LINGO2: variants seen among roughly 807,000 people sequenced by gnomAD.
LINGO2 encodes leucine-rich repeat and immunoglobulin-like domain-containing nogo receptor-interacting protein 2.
In LINGO2, 14 loss-of-function variants were observed where a neutral mutation model predicts 30.6. The ratio of observed to expected loss-of-function variants is 0.46; its 90% CI spans 0.30 to 0.72. The LOEUF is 0.72. Among genes scored for constraint, LINGO2 ranks in the 30% least tolerant of loss-of-function variants. LINGO2 has a pLI of 0.07. For missense variants in LINGO2, 729 were observed against 751.7 expected, an observed-to-expected ratio of 0.97 and a Z score of 0.35; for synonymous variants, 317 against 288.5, an observed-to-expected ratio of 1.10 and a Z score of -1.00.
At chr9:29,169,802 C>T in the LINGO2 span, among the ~76,000 whole-genome samples, 3 of 152,054 alleles carry the variant, frequency 2.0e-5, no homozygotes, top group African/African-American at 7.2e-5. Flanking sequence ...GGATGGAGAC[C>T]ATCCTGGCCA....
the LINGO2 span, among the ~76,000 whole-genome samples, chr9:29,061,815 G>A: frequency 6.6e-6 from 1 of 151,902 alleles, no homozygotes; most frequent in East Asian, 1.9e-4. Context: ...ATAAAACAAA[G>A]ACAGATAAAC....
the LINGO2 span, among the ~76,000 whole-genome samples, chr9:28,864,894 T>C: frequency 2.6e-5 from 4 of 152,040 alleles, no homozygotes; most frequent in South Asian, 8.3e-4. Flanking sequence ...AAACTCCAGG[T>C]TTCAAGAAAT....
chr9:28,719,319 GA>G, the LINGO2 span, among the ~76,000 whole-genome samples: 1 of 151,900 alleles, frequency 6.6e-6, no homozygotes, highest in African/African-American at 2.4e-5. Flanking sequence ...CTCCTTCCCT[GA>G]AGGAACTAAT....
chr9:28,993,983 C>T, the LINGO2 span, among the ~76,000 whole-genome samples: 2 of 151,222 alleles, frequency 1.3e-5, no homozygotes, highest in African/African-American at 2.4e-5. Flanking sequence ...TCTCTCACCA[C>T]TCCTATTCAA....
At chr9:28,387,393 G>C (rs2134666754) in intron 2 of LINGO2, among the ~76,000 whole-genome samples, 1 of 152,316 alleles carries the variant, frequency 6.6e-6, no homozygotes, top group Non-Finnish European at 1.5e-5. Context: ...GGACCAATCA[G>C]TGCTCTATAA....
At chr9:28,341,937 T>C (rs10968523) in intron 3 of LINGO2, among the ~76,000 whole-genome samples, 24,106 of 152,098 alleles carry the variant, frequency 0.16, 2,005 homozygotes, top group Middle Eastern at 0.27. Flanking sequence ...ACCACCTTCT[T>C]TTTATCCTAT....
chr9:28,878,915 T>A, the LINGO2 span, among the ~76,000 whole-genome samples: 1 of 152,192 alleles, frequency 6.6e-6, no homozygotes, highest in East Asian at 1.9e-4. Context: ...AGCATTCCTT[T>A]GAAAACTGGC....
At chr9:28,852,886 T>A in the LINGO2 span, among the ~76,000 whole-genome samples, 422 of 152,186 alleles carry the variant, frequency 2.8e-3, 4 homozygotes, top group African/African-American at 9.6e-3. Flanking sequence ...AAGCCTATAA[T>A]ACAATCATAA....
chr9:28,453,734 C>A (rs1322563881), intron 2 of LINGO2, among the ~76,000 whole-genome samples: 1 of 151,842 alleles, frequency 6.6e-6, no homozygotes, highest in African/African-American at 2.4e-5. Flanking sequence ...ATTGATGCTC[C>A]TTTTGCTCAA....
chr9:27,994,870 CT>C (rs1821579562), intron 5 of LINGO2, among the ~76,000 whole-genome samples: 5 of 152,192 alleles, frequency 3.3e-5, no homozygotes, highest in Non-Finnish European at 7.3e-5. Flanking sequence ...CCTTAAGCAG[CT>C]TGCAGCTTGC....
intron 1 of LINGO2, among the ~76,000 whole-genome samples, chr9:28,637,541 C>T (rs1827341825): frequency 6.6e-6 from 1 of 152,140 alleles, no homozygotes; most frequent in African/African-American, 2.4e-5. Flanking sequence ...CTTCACATCA[C>T]TTGTAAGTTG....
intron 4 of LINGO2, among the ~76,000 whole-genome samples, chr9:28,270,031 T>G (rs536454175): frequency 6.6e-6 from 1 of 152,246 alleles, no homozygotes; most frequent in South Asian, 2.1e-4. Context: ...GATTCTCAGA[T>G]AGTTTGTAAA....
chr9:28,647,417 C>T (rs1363911691), intron 1 of LINGO2, among the ~76,000 whole-genome samples: 1 of 152,050 alleles, frequency 6.6e-6, no homozygotes, highest in Non-Finnish European at 1.5e-5. Flanking sequence ...TTCTAATATT[C>T]GGTGAGCTTT....
the LINGO2 span, among the ~76,000 whole-genome samples, chr9:28,741,560 T>C: frequency 6.6e-6 from 1 of 151,944 alleles, no homozygotes; most frequent in African/African-American, 2.4e-5. Flanking sequence ...ACTTGAAGCC[T>C]GAGGTTGTGG....
chr9:28,470,760 A>T (rs1825487073), intron 2 of LINGO2, among the ~76,000 whole-genome samples: 1 of 152,018 alleles, frequency 6.6e-6, no homozygotes. Flanking sequence ...TTAATTAGCT[A>T]ATGGAAAAGT....
the LINGO2 span, among the ~76,000 whole-genome samples, chr9:28,918,254 G>A: frequency 6.6e-6 from 1 of 152,134 alleles, no homozygotes; most frequent in African/African-American, 2.4e-5. Flanking sequence ...CCCTGCATCA[G>A]ATCTTGTGTG....
intron 4 of LINGO2, chr9:28,149,087 G>A (rs1376844963): frequency 2.0e-6 from 3 of 1,534,142 alleles, no homozygotes; most frequent in Non-Finnish European, 2.6e-6. Flanking sequence ...GGTGGGTCAG[G>A]CTTCCCAAAG....
chr9:28,652,590 C>G (rs932897398), intron 1 of LINGO2, among the ~76,000 whole-genome samples: 13 of 151,924 alleles, frequency 8.6e-5, no homozygotes, highest in Admixed American at 2.0e-4. Context: ...CTTACAAAAC[C>G]ATACCTTGTT....
the LINGO2 span, among the ~76,000 whole-genome samples, chr9:29,168,496 A>C: frequency 6.6e-6 from 1 of 152,204 alleles, no homozygotes; most frequent in East Asian, 1.9e-4. Context: ...CATTCTGGCC[A>C]AAGAAATATA....
Sources: allele counts gnomAD v4.1 joint callset (sites outside exome capture counted in the v4.1 genomes callset), GRCh38; gene constraint gnomAD v4.1.1; transcripts MANE v1.5; gene names NCBI Gene and HGNC (gene_info 2026-07-23, HGNC 2026-07-21).